The following AFP variants were observed in gnomAD, a reference collection of about 807,000 sequenced individuals.
AFP encodes the protein alpha-fetoprotein.
In AFP, 64 loss-of-function variants were observed where a neutral mutation model predicts 78.9. The observed-to-expected ratio is 0.81, with a 90% CI of 0.66 to 1.00. AFP has a LOEUF of 1.00. Among genes scored for constraint, AFP ranks in the 50% least tolerant of loss-of-function variants. The pLI is 0.00. For missense variants in AFP, 689 were observed against 703.8 expected, an observed-to-expected ratio of 0.98 and a Z score of 0.24; for synonymous variants, 254 against 243.8, an observed-to-expected ratio of 1.04 and a Z score of -0.39.
Position 73,452,706 on chromosome 4 carries a change from C to T in AFP, c.1652+82C>T, listed in dbSNP as rs78918594. ...AGACTTCTACCTCGCTCACCTAACA[C>T]TATTGGGCTCACTAACAGAGCGTTA... is the stretch of plus-strand genomic sequence containing the variant. On this transcript the variant is annotated intron_variant, in intron 12 of 14. Transcript: ENST00000395792. 1.1e-3 allele frequency: 1,243 copies of T among 1,103,340 alleles called. 8 individuals carry two copies. The African/African-American group carries it at 0.017, about 15-fold the overall frequency. The allele number at this position is 1,103,340 out of a possible 1,614,324, so 68.3% of individuals were successfully genotyped here. A position where few individuals can be genotyped will look rare whatever the true frequency, so the allele number is the denominator to read the frequency against.
chr4:73,450,627 T>C lies in AFP; in HGVS notation c.1302T>C (p.Ala434=). 6.2e-7 allele frequency: 1 copy of C among 1,614,138 alleles called. No homozygotes were observed. Among genetic ancestry groups the C allele is most frequent in the Non-Finnish European group, 8.5e-7 (1 of 1,180,004 alleles). ...ATGCTTCTTTCAGGTTTCTCGTTGC[T>C]TACACAAAGAAAGCCCCCCAGCTGA... ...EYYLQNAFLV[A]YTKKAPQLTS... The change falls in exon 11 of 15, where the codon GCT becomes GCC. Residue 434 remains alanine, a synonymous_variant. Coordinates refer to ENST00000395792, the MANE Select transcript of AFP (RefSeq NM_001134.3).
At chr4:73,449,935 CTGAT>C (rs770591618) in intron 9 of AFP, 97 bp from the exon 10 acceptor site, 26 of 755,980 alleles carry the variant, frequency 3.4e-5, no homozygotes, top group Non-Finnish European at 4.8e-5. Flanking sequence ...TTAAACATCT[CTGAT>C]TGGTTTTATA....
chr4:73,437,471 T>C (rs1420795523), intron 2 of AFP, among the ~76,000 whole-genome samples: 1 of 152,050 alleles, frequency 6.6e-6, no homozygotes, highest in Non-Finnish European at 1.5e-5. Flanking sequence ...GATTAGTGTC[T>C]GATCAGTGAC....
rs779815391 is a variant in AFP, at chr4:73,447,654, GA to G, written c.1043del (p.Asn348IlefsTer22). 4.5e-5 allele frequency: 72 copies of G among 1,610,524 alleles called. No individual in the cohort carries two copies. The highest frequency in any genetic ancestry group is 5.5e-5 in the Non-Finnish European group (65 of 1,178,902). ...DRDFNQFSSG[E>X]KNIFLASFVH... ...AGATTTTAACCAATTTTCTTCAGGG[GA>G]AAAAAATATCTTCTTGGCAAGGTAA... is the stretch of plus-strand genomic sequence containing the variant. On this transcript the variant is annotated frameshift_variant, in exon 8 of 15. Transcript: ENST00000395792. LOFTEE classifies it high-confidence loss of function.
intron 8 of AFP, among the ~76,000 whole-genome samples, chr4:73,447,978 C>T (rs528302705): frequency 6.6e-6 from 1 of 152,018 alleles, no homozygotes; most frequent in South Asian, 2.1e-4. Flanking sequence ...GTAAAGATTA[C>T]TCATATCAAG....
chr4:73,454,788 T>G (rs1720110016), intron 13 of AFP, among the ~76,000 whole-genome samples: 1 of 152,086 alleles, frequency 6.6e-6, no homozygotes, highest in Admixed American at 6.5e-5. Context: ...TGGGATCAGG[T>G]AGGGTGGGAC....
At chr4:73,443,091 T>C (rs536611187) in intron 5 of AFP, among the ~76,000 whole-genome samples, 2 of 152,264 alleles carry the variant, frequency 1.3e-5, no homozygotes, top group African/African-American at 4.8e-5. Flanking sequence ...TCATTTATGA[T>C]CCCCAGTATA....
At chr4:73,449,697 A>C (rs1297866511) in intron 9 of AFP, among the ~76,000 whole-genome samples, 1 of 152,206 alleles carries the variant, frequency 6.6e-6, no homozygotes, top group Non-Finnish European at 1.5e-5. Flanking sequence ...TGTAGAAATA[A>C]AAATGTTAAC....
rs568296633 is a variant in AFP, at chr4:73,440,732, C to T, written c.401C>T (p.Ala134Val). ...CTTGCACACAAAAAGCCCACTCCAG[C>T]ATCGATCCCACTTTTCCAAGTTCCA... ...CFLAHKKPTP[A>V]SIPLFQVPEP... The change falls in exon 4 of 15, where the codon GCA becomes GTA. Residue 134 changes from alanine to valine, a missense_variant. Ala to Val is a moderately conservative substitution (Grantham distance 64, BLOSUM62 0). Transcript: ENST00000395792. 69 of 1,614,186 alleles carry T rather than the reference C, an allele frequency of 4.3e-5. No individual in the cohort carries two copies. The South Asian group carries it at 7.2e-4, about 17-fold the overall frequency.
intron 1 of AFP, 123 bp from the exon 2 acceptor site, chr4:73,437,037 T>C: frequency 1.3e-6 from 1 of 765,308 alleles, no homozygotes. Context: ...AGGTTATCCC[T>C]AATGTTCTTT....
chr4:73,452,722 CAG>C, intron 12 of AFP, 98 bp downstream of exon 12: 1 of 950,232 alleles, frequency 1.1e-6, no homozygotes, highest in South Asian at 1.4e-5. Context: ...GGCTCACTAA[CAG>C]AGCGTTACTC....
intron 3 of AFP, among the ~76,000 whole-genome samples, chr4:73,439,943 GTA>G (rs5859373): frequency 0.98 from 149,623 of 152,126 alleles, 73,627 homozygotes; most frequent in East Asian, 1. Context: ...GTGTGTATAT[GTA>G]TATATATGTA....
At position 73,452,323 on chromosome 4, in the gene AFP, G is replaced by T. The variant is rs1720018735; in HGVS notation, c.1429-78G>T. The T allele has an allele frequency of 1.3e-5, 15 of 1,125,242 alleles. No homozygotes were observed. The Admixed American group carries it at 2.4e-4, about 18-fold the overall frequency. 69.7% of individuals were successfully genotyped at this position (1,125,242 alleles called of 1,614,324 possible). On this transcript the variant is annotated intron_variant, in intron 11 of 14. Coordinates refer to ENST00000395792, the MANE Select transcript of AFP (RefSeq NM_001134.3). ...TTGCTGGGCATTAGAAATTATTGCA[G>T]CAGTTTTCTGAAAAACTGAACCAAC...
chr4:73,437,100 AT>A lies in AFP; in HGVS notation c.86-59del, dbSNP rs1407612920. On this transcript the variant is annotated intron_variant, in intron 1 of 14. Transcript: ENST00000395792. ...GAAACACAAACATTCATATGTAACA[AT>A]GATTACTTTCTTGGTTGCAGTTGAA... 6 of 1,255,770 alleles carry A rather than the reference AT, an allele frequency of 4.8e-6. No individual in the cohort carries two copies. The African/African-American group carries it at 5.9e-5, about 12-fold the overall frequency. The allele number at this position is 1,255,770 out of a possible 1,614,324, so 77.8% of individuals were successfully genotyped here.
intron 11 of AFP, among the ~76,000 whole-genome samples, chr4:73,451,019 C>A (rs1173615533): frequency 1.3e-5 from 2 of 152,184 alleles, no homozygotes; most frequent in Admixed American, 1.3e-4. Flanking sequence ...ATCGGAAAGA[C>A]AGAACGACCA....
At chr4:73,453,647 TG>T in intron 12 of AFP, 117 bp from the exon 13 acceptor site, 2 of 1,177,378 alleles carry the variant, frequency 1.7e-6, no homozygotes, top group Non-Finnish European at 2.5e-6. Flanking sequence ...GTGGTCAGTC[TG>T]GTGATAGGTT....
At chr4:73,455,363 C>A in intron 14 of AFP, 73 bp downstream of exon 14, 1 of 1,197,966 alleles carries the variant, frequency 8.3e-7, no homozygotes, top group South Asian at 1.2e-5. Context: ...TGAGATAGAT[C>A]ATGAGGAGTG....
rs1222155482 is a variant in AFP, at chr4:73,443,413, A to C, written c.682A>C (p.Lys228Gln). Residue 228 changes from lysine to glutamine, a missense_variant, in exon 6 of 15, where the codon AAA becomes CAA. Coordinates refer to ENST00000395792, the MANE Select transcript of AFP (RefSeq NM_001134.3). ...AAATCAACATGCATGTGCAGTAATG[A>C]AAAATTTTGGGACCCGAACTTTCCA... The part of the protein sequence containing the change: ...LLNQHACAVM[K>Q]NFGTRTFQAI... 4 of 1,613,426 alleles carry C rather than the reference A, an allele frequency of 2.5e-6. No individual in the cohort carries two copies. The highest frequency in any genetic ancestry group is 3.4e-6 in the Non-Finnish European group (4 of 1,179,530).
intron 7 of AFP, among the ~76,000 whole-genome samples, chr4:73,445,478 A>G (rs886159839): frequency 2.0e-5 from 3 of 152,216 alleles, no homozygotes; most frequent in Non-Finnish European, 2.9e-5. Flanking sequence ...ACAAATAAAT[A>G]TATATTAAAT....
Sources: allele counts gnomAD v4.1 joint callset (sites outside exome capture counted in the v4.1 genomes callset), GRCh38; gene constraint gnomAD v4.1.1; transcripts MANE v1.5; gene names NCBI Gene and HGNC (gene_info 2026-07-23, HGNC 2026-07-21).